SRP68: variants seen among roughly 807,000 people sequenced by gnomAD.
The protein encoded by SRP68 is signal recognition particle subunit SRP68.
Under a neutral mutation model 82.2 loss-of-function variants are expected in SRP68, and 15 were observed. The ratio of observed to expected loss-of-function variants is 0.18; its 90% confidence interval spans 0.12 to 0.28. The LOEUF (loss-of-function observed/expected upper bound fraction) is 0.28, where lower values mean the gene tolerates loss of function less well. SRP68 is among the 10% of genes least tolerant of loss of function. SRP68 has a pLI of 1.00. For missense variants in SRP68, 595 were observed against 780.5 expected (o/e 0.76, Z 2.83); for synonymous variants, 261 against 292.6 (o/e 0.89, Z 1.10).
chr17:76,072,294 T>C lies in SRP68; in HGVS notation c.184+14A>G, dbSNP rs939110283. 1.9e-6 allele frequency: 3 copies of C among 1,608,082 alleles called. No homozygotes were observed. Among genetic ancestry groups the C allele is most frequent in the Non-Finnish European group, 1.7e-6 (2 of 1,178,156 alleles). ...CGTAATCATTGCGAGTTAGGCCCGATTACTCTAGGATACTCTCCAAACTCA... is the reference window on the plus strand; with the variant it reads ...CGTAATCATTGCGAGTTAGGCCCGACTACTCTAGGATACTCTCCAAACTCA... On this transcript the variant is annotated intron_variant, in intron 1 of 15. Coordinates refer to ENST00000307877, the MANE Select transcript of SRP68 (RefSeq NM_014230.4). This position sits in a 1 kb window ranked among gnomAD's most constrained non-coding sequence, Gnocchi z 4.5.
chr17:76,061,777 T>G (rs1209043135), intron 4 of SRP68: 1 of 370,646 alleles, frequency 2.7e-6, no homozygotes, highest in East Asian at 4.2e-5. Context: ...CAGGGCAATA[T>G]AGCAAGACCC....
intron 8 of SRP68, among the ~76,000 whole-genome samples, chr17:76,050,951 C>T (rs1421970046): frequency 6.6e-6 from 1 of 151,986 alleles, no homozygotes; most frequent in Non-Finnish European, 1.5e-5. Flanking sequence ...TTATCTTTTC[C>T]TTCCAGAACA....
Position 76,046,146 on chromosome 17 carries a change from G to A in SRP68, c.1191C>T (p.Asn397=), listed in dbSNP as rs754221838. Residue 397 remains asparagine, a synonymous_variant, in exon 11 of 16, where the codon AAC becomes AAT. Coordinates refer to ENST00000307877, the MANE Select transcript of SRP68 (RefSeq NM_014230.4). ...KLSTAIKRNE[N]MAKGLQRALL... is the part of the protein sequence containing the mutation. ...GAGCCCTCTGCAGACCTTTGGCCAT[G>A]TTCTCATTACGCTTGATTGCCGTTG... 3 of 1,613,848 alleles carry A rather than the reference G, an allele frequency of 1.9e-6. No individual in the cohort carries two copies. Among genetic ancestry groups the A allele is most frequent in the East Asian group, 2.2e-5 (1 of 44,888 alleles).
chr17:76,059,847 C>T (rs1053259603), intron 7 of SRP68, among the ~76,000 whole-genome samples: 2 of 150,566 alleles, frequency 1.3e-5, no homozygotes. Flanking sequence ...TTTTTTGGGC[C>T]GGGCGCGGTG....
At chr17:76,050,114 C>A (rs1427262164) in intron 9 of SRP68, among the ~76,000 whole-genome samples, 1 of 152,166 alleles carries the variant, frequency 6.6e-6, no homozygotes, top group African/African-American at 2.4e-5. Flanking sequence ...ATGCCTGAAT[C>A]AACCACAGGG....
At chr17:76,062,765 A>ATATAT (rs71161256) in intron 4 of SRP68, among the ~76,000 whole-genome samples, 1 of 73,342 alleles carries the variant, frequency 1.4e-5, no homozygotes, top group Non-Finnish European at 2.5e-5. Context: ...ATATATATAT[A>ATATAT]AAATATATAT....
In SRP68 at chr17:76,061,422, T is replaced by C. The variant is rs74417968; in HGVS notation, c.644+70A>G. On this transcript the variant is annotated intron_variant, in intron 5 of 15. Coordinates refer to ENST00000307877, the MANE Select transcript of SRP68 (RefSeq NM_014230.4). ...TCACTTTCACAGAAACAATCCACTA[T>C]CTGATCTGCAGCTTAAATTTGACAA... 1,281 of 1,355,118 alleles carry C rather than the reference T, an allele frequency of 9.5e-4. 12 individuals are homozygous for C. In the African/African-American group the frequency reaches 0.016, roughly 17 times the overall value. The allele number at this position is 1,355,118 out of a possible 1,614,324, so 83.9% of individuals were successfully genotyped here.
Position 76,039,863 on chromosome 17 carries a change from T to C in SRP68, c.1727A>G (p.His576Arg). The C allele has an allele frequency of 6.2e-7, 1 of 1,614,212 alleles. No individual in the cohort carries two copies. The highest frequency in any genetic ancestry group is 8.5e-7 in the Non-Finnish European group (1 of 1,180,038). ...SLVTKQANLV[H>R]FPPGFQPIPC... ...AATGGGCTGGAAGCCTGGTGGGAAG[T>C]GCACAAGGTTGGCTTGCTTGGTGAC... The change falls in exon 16 of 16, where the codon CAC (histidine) becomes CGC (arginine). Residue 576 changes from histidine (H) to arginine (R), a missense_variant. By Grantham distance (29) the His-to-Arg change is conservative. Coordinates refer to ENST00000307877, the MANE Select transcript of SRP68 (RefSeq NM_014230.4).
Position 76,039,686 on chromosome 17 carries a change from G to GC in SRP68, c.*19dup. The GC allele has an allele frequency of 1.9e-6, 3 of 1,601,850 alleles. No homozygotes were observed. Among genetic ancestry groups the GC allele is most frequent in the Non-Finnish European group, 2.6e-6 (3 of 1,169,424 alleles). ...CAGATTAAGAGTCAGAATCTCCCCC[G>GC]CCCCCGAGGAAGAGCCTGGTTAGCT... On this transcript the variant is annotated 3_prime_UTR_variant, in exon 16 of 16. Coordinates refer to ENST00000307877, the MANE Select transcript of SRP68 (RefSeq NM_014230.4).
At chr17:76,052,119 G>A (rs2066677280) in intron 8 of SRP68, among the ~76,000 whole-genome samples, 2 of 152,206 alleles carry the variant, frequency 1.3e-5, no homozygotes, top group Non-Finnish European at 2.9e-5. Context: ...GACCTCAGGT[G>A]ATCCACCTGT....
intron 7 of SRP68, 36 bp from the exon 8 acceptor site, chr17:76,057,579 G>A (rs753365088): frequency 1.9e-6 from 3 of 1,609,130 alleles, no homozygotes; most frequent in Non-Finnish European, 2.6e-6. Flanking sequence ...AGCTTTAACT[G>A]GGGATATGAG....
In SRP68 at chr17:76,064,026, G is replaced by T. The variant is rs144739272; in HGVS notation, c.511C>A (p.Arg171Ser). 1.4e-5 allele frequency: 23 copies of T among 1,614,104 alleles called. No individual in the cohort carries two copies. In the African/African-American group the frequency reaches 2.8e-4, roughly 20 times the overall value. ...KAVKHAEELE[R>S]LCESNRVDAK... ...TCCACGCGATTGCTCTCACACAAGC[G>T]TTCCAATTCCTCTGCATGCTTCACG... Residue 171 changes from arginine (R) to serine (S), a missense_variant, in exon 4 of 16, where the codon CGC (arginine) becomes AGC (serine). Around this residue, in one of 2 missense-constraint regions of SRP68, gnomAD observed 495 missense variants for 688.6 expected, o/e 0.72. Transcript: ENST00000307877.
intron 13 of SRP68, 118 bp from the exon 14 acceptor site, chr17:76,041,096 G>C: frequency 4.4e-6 from 3 of 684,434 alleles, no homozygotes; most frequent in Middle Eastern, 2.5e-4. Flanking sequence ...CTTTCTAAAC[G>C]GTTCTCACTA....
At chr17:76,050,164 C>G (rs1259139863) in intron 9 of SRP68, among the ~76,000 whole-genome samples, 2 of 152,140 alleles carry the variant, frequency 1.3e-5, no homozygotes, top group South Asian at 4.1e-4. Flanking sequence ...AGAAGTCCAC[C>G]TGGAGACAGA....
rs977419456 is a variant in SRP68, at chr17:76,067,211, C to A, written c.365+6G>T. 13 of 1,604,552 alleles carry A rather than the reference C, an allele frequency of 8.1e-6. No homozygotes were observed. In the African/African-American group the frequency reaches 1.2e-4, roughly 15 times the overall value. On this transcript the variant is annotated splice_donor_region_variant and intron_variant, in intron 3 of 15. Coordinates refer to ENST00000307877, the MANE Select transcript of SRP68 (RefSeq NM_014230.4). ...TAATTTGCAACTAGCATGGAGCAGTCAATACCTATTATCGGTCAGAAGCTC... is the reference window on the plus strand; with the variant it reads ...TAATTTGCAACTAGCATGGAGCAGTAAATACCTATTATCGGTCAGAAGCTC...
At chr17:76,066,548 C>G in intron 3 of SRP68, among the ~76,000 whole-genome samples, 1 of 151,302 alleles carries the variant, frequency 6.6e-6, no homozygotes, top group South Asian at 2.1e-4. Flanking sequence ...TTCTAGAAAC[C>G]TTACCTAATA....
rs756248465 is a variant in SRP68, at chr17:76,039,786, G to A, written c.1804C>T (p.Pro602Ser). 2 of 1,614,228 alleles carry A rather than the reference G, an allele frequency of 1.2e-6. No individual in the cohort carries two copies. The highest frequency in any genetic ancestry group is 3.3e-5 in the Admixed American group (2 of 60,028). ...DLALNHVAFP[P>S]LEDKLEQKTK... ...TTCTGTTCCAACTTGTCCTCAAGGG[G>A]TGGGAAAGCCACATGGTTGAGGGCC... is the stretch of plus-strand genomic sequence containing the variant. The change falls in exon 16 of 16, where the codon CCC becomes TCC. Residue 602 changes from proline (P) to serine (S), a missense_variant. Physicochemically the swap from Pro to Ser is moderately conservative, Grantham distance 74. Coordinates refer to ENST00000307877, the MANE Select transcript of SRP68 (RefSeq NM_014230.4).
chr17:76,062,524 T>A (rs1313278021), intron 4 of SRP68, among the ~76,000 whole-genome samples: 1 of 92,870 alleles, frequency 1.1e-5, no homozygotes, highest in Non-Finnish European at 2.0e-5. Flanking sequence ...ACATTATATA[T>A]TATATAATAT....
In SRP68 at chr17:76,061,514, T is replaced by C. The variant is rs1342426334; in HGVS notation, c.622A>G (p.Ile208Val). The C allele has an allele frequency of 1.9e-6, 3 of 1,613,944 alleles. No individual in the cohort carries two copies. The highest frequency in any genetic ancestry group is 2.5e-6 in the Non-Finnish European group (3 of 1,179,984). Residue 208 changes from isoleucine (I) to valine (V), a missense_variant, in exon 5 of 16, where the codon ATT becomes GTT. This residue lies in a region of SRP68 where 495 missense variants were observed against 688.6 expected (regional missense o/e 0.72). Coordinates refer to ENST00000307877, the MANE Select transcript of SRP68 (RefSeq NM_014230.4). ...RFEHQEWKAA[I>V]EAFNKCKTIY... ...TACTTGCATTTGTTAAAAGCCTCAA[T>C]GGCAGCTTTCCATTCTTGATGTTCA...
Sources: allele counts gnomAD v4.1 joint callset (sites outside exome capture counted in the v4.1 genomes callset), GRCh38; gene constraint gnomAD v4.1.1; regional missense constraint gnomAD v4.1.1; non-coding constraint Gnocchi (gnomAD v3.1); transcripts MANE v1.5; gene names NCBI Gene and HGNC (gene_info 2026-07-23, HGNC 2026-07-21).